Variants in PPP1R42 observed in about 807,000 individuals in gnomAD.
PPP1R42 encodes the protein leucine rich repeat containing 67.
In PPP1R42, 34 loss-of-function variants were observed where a neutral mutation model predicts 31.0. The ratio of observed to expected loss-of-function variants is 1.10; its 90% CI spans 0.83 to 1.46. The LOEUF (loss-of-function observed/expected upper bound fraction) is 1.46. PPP1R42 is among the 40% of genes most tolerant of loss of function. PPP1R42 has a pLI of 0.00. For missense variants in PPP1R42, 268 were observed against 303.0 expected, an observed-to-expected ratio of 0.88 and a Z score of 0.86; for synonymous variants, 103 against 109.8, an observed-to-expected ratio of 0.94 and a Z score of 0.39.
chr8:66,986,742 A>G (rs1264507902), intron 6 of PPP1R42, among the ~76,000 whole-genome samples: 4 of 152,242 alleles, frequency 2.6e-5, no homozygotes, highest in African/African-American at 9.6e-5. Context: ...GCAAAAGTAA[A>G]CTGCTAGAAC....
At chr8:67,006,060 G>A (rs112716154) in intron 5 of PPP1R42, among the ~76,000 whole-genome samples, 5,294 of 152,190 alleles carry the variant, frequency 0.035, 189 homozygotes, top group African/African-American at 0.079. Flanking sequence ...CACCTACAAT[G>A]TATTAGAAAC....
intron 5 of PPP1R42, among the ~76,000 whole-genome samples, chr8:67,008,879 T>C (rs1171141623): frequency 6.6e-6 from 1 of 152,194 alleles, no homozygotes; most frequent in Non-Finnish European, 1.5e-5. Flanking sequence ...AAAACCTCCT[T>C]TGGGATTATT....
In PPP1R42 at chr8:67,013,111, C is replaced by T; in HGVS notation, c.297-15G>A. 1 of 1,574,502 alleles carries T rather than the reference C, an allele frequency of 6.4e-7. No homozygotes were observed. The highest frequency in any genetic ancestry group is 8.6e-7 in the Non-Finnish European group (1 of 1,165,212). Reference sequence around the variant, plus strand: ...CTCCCAGATACCTGCAAAACATAGACATAATTCTAAACAGACATTCTGAGA... The same window carrying T: ...CTCCCAGATACCTGCAAAACATAGATATAATTCTAAACAGACATTCTGAGA... On this transcript the variant is annotated splice_polypyrimidine_tract_variant and intron_variant, in intron 3 of 7. Coordinates refer to ENST00000685739, the MANE Select transcript of PPP1R42 (RefSeq NM_001364910.1).
chr8:66,965,078 T>TACCCTCAAG (rs1814342430), intron 7 of PPP1R42, among the ~76,000 whole-genome samples: 1 of 152,194 alleles, frequency 6.6e-6, no homozygotes, highest in East Asian at 1.9e-4. Context: ...CTTAGCATAA[T>TACCCTCAAG]GCTTTTGAGA....
Position 66,982,080 on chromosome 8 carries a change from A to G in PPP1R42, c.771T>C (p.Ser257=). 2 of 1,493,118 alleles carry G rather than the reference A, an allele frequency of 1.3e-6. No homozygotes were observed. The highest frequency in any genetic ancestry group is 1.8e-6 in the Non-Finnish European group (2 of 1,131,812). 92.5% of individuals were successfully genotyped at this position (1,493,118 alleles called of 1,614,324 possible). Residue 257 remains serine (S), a synonymous_variant, in exon 7 of 8, where the codon AGT becomes AGC. Transcript: ENST00000685739. ...GTGAATTGCTTGCATCCTCATTTTT[A>G]CTGCTCCTTTTTTTGCTGATTTTCT... ...DAKKISKKRS[S]KNEDASNSLI...
Position 67,018,825 on chromosome 8 carries a change from C to CCA in PPP1R42, c.-84-995_-84-994insTG, listed in dbSNP as rs1554542359. Among the ~76,000 whole-genome samples, 50 of 48,404 alleles carry CCA rather than the reference C, an allele frequency of 1.0e-3. 5 individuals carry two copies. The highest frequency in any genetic ancestry group is 4.3e-3 in the African/African-American group (50 of 11,698). The allele number at this position is 48,404 out of a possible 152,430, so 31.8% of individuals were successfully genotyped here. ...CGTGCCTGGCCCCCGCCCCCCCCCCCTTTTTTTTTTTTTTTTTTTTTAGGG... is the reference window on the plus strand; with the variant it reads ...CGTGCCTGGCCCCCGCCCCCCCCCCCCATTTTTTTTTTTTTTTTTTTTTAGGG... On this transcript the variant is annotated intron_variant, in intron 1 of 7. Coordinates refer to ENST00000685739, the MANE Select transcript of PPP1R42 (RefSeq NM_001364910.1).
intron 7 of PPP1R42, among the ~76,000 whole-genome samples, chr8:66,980,716 C>T (rs1814802019): frequency 6.6e-6 from 1 of 152,134 alleles, no homozygotes; most frequent in Non-Finnish European, 1.5e-5. Context: ...CTGGCCTAGC[C>T]CCTTCACTAT....
intron 1 of PPP1R42, among the ~76,000 whole-genome samples, chr8:67,026,476 G>A (rs1816400550): frequency 6.6e-6 from 1 of 152,146 alleles, no homozygotes. Flanking sequence ...GTCCTTGATG[G>A]TAAGAATGAT....
chr8:67,017,825 C>A lies in PPP1R42; in HGVS notation c.-78G>T. ...AAGAAGTAGGTTTAGGTATTATTTC[C>A]AACTTTCTGAAGATTAAAGAAAAAA... On this transcript the variant is annotated 5_prime_UTR_variant, in exon 2 of 8. Transcript: ENST00000685739. The A allele has an allele frequency of 7.1e-7, 1 of 1,402,656 alleles. No individual in the cohort carries two copies. Among genetic ancestry groups the A allele is most frequent in the Non-Finnish European group, 9.3e-7 (1 of 1,073,306 alleles). The allele number at this position is 1,402,656 out of a possible 1,614,324, so 86.9% of individuals were successfully genotyped here.
At chr8:67,020,937 G>A (rs1816197837) in intron 1 of PPP1R42, among the ~76,000 whole-genome samples, 1 of 152,116 alleles carries the variant, frequency 6.6e-6, no homozygotes, top group African/African-American at 2.4e-5. Flanking sequence ...GGTGACAGAG[G>A]GAGACTATCT....
chr8:67,003,561 A>G (rs911850169), intron 5 of PPP1R42, among the ~76,000 whole-genome samples: 7 of 151,492 alleles, frequency 4.6e-5, no homozygotes, highest in Non-Finnish European at 7.4e-5. Context: ...TGTTTCACAT[A>G]TTTTGTCTAG....
chr8:67,010,616 A>G, intron 5 of PPP1R42, 99 bp downstream of exon 5: 1 of 770,012 alleles, frequency 1.3e-6, no homozygotes, highest in Non-Finnish European at 2.1e-6. Context: ...AATCCAGAGT[A>G]GTTTTTAATG....
intron 6 of PPP1R42, among the ~76,000 whole-genome samples, chr8:66,986,941 A>C (rs2130930084): frequency 6.6e-6 from 1 of 152,212 alleles, no homozygotes; most frequent in South Asian, 2.1e-4. Context: ...AGGCGGGTGG[A>C]CCACTTGAGG....
intron 3 of PPP1R42, among the ~76,000 whole-genome samples, 178 bp from the exon 4 acceptor site, chr8:67,013,274 T>C (rs1815898518): frequency 6.6e-6 from 1 of 152,164 alleles, no homozygotes; most frequent in Non-Finnish European, 1.5e-5. Flanking sequence ...ATTATATTCT[T>C]ACACTTAATT....
chr8:67,014,277 T>G (rs1815934911), intron 3 of PPP1R42, 149 bp downstream of exon 3: 1 of 441,152 alleles, frequency 2.3e-6, no homozygotes, highest in South Asian at 6.6e-5. Context: ...TCATATGGTT[T>G]TTTTTCATAT....
chr8:66,988,242 A>G (rs1362674212), intron 6 of PPP1R42, 158 bp downstream of exon 6: 10 of 1,255,392 alleles, frequency 8.0e-6, no homozygotes, highest in African/African-American at 1.6e-5. Context: ...TTATTTGTCA[A>G]TTTTAACTTT....
At chr8:66,976,014 C>G (rs1254412294) in intron 7 of PPP1R42, among the ~76,000 whole-genome samples, 1 of 152,164 alleles carries the variant, frequency 6.6e-6, no homozygotes, top group Non-Finnish European at 1.5e-5. Context: ...AGGTGAGTGG[C>G]AGGTAAGCGA....
intron 5 of PPP1R42, among the ~76,000 whole-genome samples, chr8:66,996,696 TA>T (rs1420788052): frequency 6.6e-6 from 1 of 152,270 alleles, no homozygotes; most frequent in African/African-American, 2.4e-5. Context: ...GAAATCTTTA[TA>T]TTTTTTCTAG....
intron 6 of PPP1R42, chr8:66,984,423 G>GC (rs1158061807): frequency 7.6e-7 from 1 of 1,317,960 alleles, no homozygotes; most frequent in Non-Finnish European, 1.1e-6. Flanking sequence ...GGGTCTTGGG[G>GC]CCCCCTTCCA....
Sources: gnomAD v4.1 joint callset for allele counts (sites outside exome capture counted in the v4.1 genomes callset) on GRCh38, gnomAD v4.1.1 for gene constraint, MANE v1.5 for transcripts, NCBI Gene and HGNC (gene_info 2026-07-23, HGNC 2026-07-21) for gene names.